Variants in STT3B observed in about 807,000 individuals in gnomAD.
STT3B encodes STT3 oligosaccharyltransferase complex catalytic subunit B.
In STT3B, 29 loss-of-function variants were observed where a neutral mutation model predicts 96.8. That is an observed-to-expected ratio of 0.30 (90% CI 0.22 to 0.41). STT3B has a LOEUF of 0.41. Ranked by LOEUF, STT3B falls within the 10% of genes least tolerant of loss-of-function variation. The probability of loss-of-function intolerance (pLI) is 1.00; values close to 1 mark genes in which losing one functional copy is unlikely to be tolerated. For missense variants in STT3B, 640 were observed against 1,022.3 expected (o/e 0.63, Z 5.10); for synonymous variants, 367 against 360.0 (o/e 1.02, Z -0.22).
intron 3 of STT3B, among the ~76,000 whole-genome samples, chr3:31,587,471 T>A (rs1698567815): frequency 6.6e-6 from 1 of 152,222 alleles, no homozygotes; most frequent in African/African-American, 2.4e-5. Context: ...CTTAAACTCC[T>A]GGCCTCAAGC....
At chr3:31,616,215 ATT>A in intron 6 of STT3B, among the ~76,000 whole-genome samples, 1 of 151,960 alleles carries the variant, frequency 6.6e-6, no homozygotes, top group East Asian at 1.9e-4. Flanking sequence ...CTTAAGGCCT[ATT>A]TGTTCATATT....
intron 14 of STT3B, among the ~76,000 whole-genome samples, chr3:31,630,338 C>A (rs1425575375): frequency 6.6e-6 from 1 of 152,142 alleles, no homozygotes; most frequent in African/African-American, 2.4e-5. Flanking sequence ...TAGTTTCTCC[C>A]ATATATGTAC....
At chr3:31,563,268 T>C (rs1419812025) in intron 1 of STT3B, among the ~76,000 whole-genome samples, 1 of 152,230 alleles carries the variant, frequency 6.6e-6, no homozygotes, top group Non-Finnish European at 1.5e-5. Flanking sequence ...TTGGTTTTGA[T>C]TGCTTATCTA....
At chr3:31,536,394 A>G (rs556876689) in intron 1 of STT3B, among the ~76,000 whole-genome samples, 1 of 152,352 alleles carries the variant, frequency 6.6e-6, no homozygotes, top group Admixed American at 6.5e-5. Flanking sequence ...CAGGCTGTGC[A>G]TCCACAAACC....
chr3:31,621,493 C>T (rs1362239194), intron 9 of STT3B, among the ~76,000 whole-genome samples: 1 of 152,202 alleles, frequency 6.6e-6, no homozygotes, highest in African/African-American at 2.4e-5. Flanking sequence ...TCACATGACT[C>T]ACTGAATTTG....
Position 31,636,360 on chromosome 3 carries a change from A to C in STT3B, c.*296A>C, listed in dbSNP as rs1211891161. On this transcript the variant is annotated 3_prime_UTR_variant, in exon 16 of 16. Transcript: ENST00000295770. ...TCTGAGAATTTGGACTAACTGCACC[A>C]AAGAACCCTCTAATTTGGTCCCTGG... is the stretch of plus-strand genomic sequence containing the variant. The C allele has an allele frequency of 8.8e-6, 2 of 227,446 alleles. No homozygotes were observed. The highest frequency in any genetic ancestry group is 4.5e-5 in the African/African-American group (2 of 44,400). The allele number at this position is 227,446 out of a possible 1,614,324, so 14.1% of individuals were successfully genotyped here.
intron 1 of STT3B, among the ~76,000 whole-genome samples, chr3:31,570,493 C>G (rs1698111421): frequency 6.6e-6 from 1 of 152,084 alleles, no homozygotes; most frequent in Admixed American, 6.6e-5. Flanking sequence ...GAATAAAGTA[C>G]TTGGCTATGG....
At chr3:31,562,707 G>T (rs1263107696) in intron 1 of STT3B, among the ~76,000 whole-genome samples, 1 of 152,204 alleles carries the variant, frequency 6.6e-6, no homozygotes, top group Non-Finnish European at 1.5e-5. Context: ...TCAAGTGGCT[G>T]TAAGCAATGG....
At chr3:31,595,882 T>G (rs2081306130) in intron 3 of STT3B, among the ~76,000 whole-genome samples, 1 of 152,214 alleles carries the variant, frequency 6.6e-6, no homozygotes, top group Non-Finnish European at 1.5e-5. Flanking sequence ...CAGTAAAGCT[T>G]CTGGTAATTT....
intron 1 of STT3B, among the ~76,000 whole-genome samples, chr3:31,541,802 T>G (rs946984037): frequency 9.2e-5 from 14 of 152,160 alleles, no homozygotes; most frequent in Admixed American, 7.9e-4. Context: ...GGTCTCGAAC[T>G]CCTGACCTCG....
At chr3:31,593,910 C>T (rs955156683) in intron 3 of STT3B, among the ~76,000 whole-genome samples, 1 of 152,094 alleles carries the variant, frequency 6.6e-6, no homozygotes, top group African/African-American at 2.4e-5. Context: ...TTTTATCAAC[C>T]ATGTCCCCTT....
chr3:31,586,769 A>C (rs1353217143), intron 3 of STT3B, among the ~76,000 whole-genome samples: 1 of 152,120 alleles, frequency 6.6e-6, no homozygotes, highest in Non-Finnish European at 1.5e-5. Context: ...TGTTTTCATT[A>C]GTTTCTAGAA....
chr3:31,615,672 T>C (rs573806059), intron 6 of STT3B, among the ~76,000 whole-genome samples: 4 of 151,900 alleles, frequency 2.6e-5, no homozygotes, highest in Admixed American at 6.6e-5. Context: ...TATTTAGTGT[T>C]GTGTACACAA....
intron 1 of STT3B, among the ~76,000 whole-genome samples, chr3:31,561,355 A>G (rs1697872966): frequency 6.6e-6 from 1 of 152,146 alleles, no homozygotes; most frequent in Non-Finnish European, 1.5e-5. Context: ...ATAGACTTAC[A>G]ATGTGAAATA....
At chr3:31,536,305 C>G (rs1027605427) in intron 1 of STT3B, among the ~76,000 whole-genome samples, 1 of 152,156 alleles carries the variant, frequency 6.6e-6, no homozygotes, top group Non-Finnish European at 1.5e-5. Flanking sequence ...TCTAGTGTTT[C>G]TAGTTTGGGA....
intron 1 of STT3B, among the ~76,000 whole-genome samples, chr3:31,573,925 T>G (rs543991143): frequency 2.0e-5 from 3 of 151,850 alleles, no homozygotes; most frequent in Admixed American, 6.6e-5. Context: ...GGTAAAAAAA[T>G]CAAGAGACTG....
intron 1 of STT3B, among the ~76,000 whole-genome samples, chr3:31,564,193 A>G (rs1697946127): frequency 6.6e-6 from 1 of 152,246 alleles, no homozygotes; most frequent in African/African-American, 2.4e-5. Context: ...AACATTTCAC[A>G]TCATTTACAA....
intron 3 of STT3B, among the ~76,000 whole-genome samples, chr3:31,591,251 TA>T (rs1698656954): frequency 6.6e-6 from 1 of 152,134 alleles, no homozygotes; most frequent in Admixed American, 6.6e-5. Flanking sequence ...AATGTTGTCT[TA>T]AAATCTGCTT....
At chr3:31,628,016 A>AC in intron 13 of STT3B, among the ~76,000 whole-genome samples, 1 of 152,004 alleles carries the variant, frequency 6.6e-6, no homozygotes, top group South Asian at 2.1e-4. Flanking sequence ...CCCCCTAAAA[A>AC]AAAAAAAGTT....
Sources: gnomAD v4.1 joint callset for allele counts (sites outside exome capture counted in the v4.1 genomes callset) on GRCh38, gnomAD v4.1.1 for gene constraint, MANE v1.5 for transcripts, NCBI Gene and HGNC (gene_info 2026-07-23, HGNC 2026-07-21) for gene names.